Variants in ZEB2 observed in about 807,000 individuals in gnomAD.
ZEB2 encodes zinc finger E-box-binding homeobox 2.
In ZEB2, 6 loss-of-function variants were observed where a neutral mutation model predicts 99.9. The ratio of observed to expected loss-of-function variants is 0.06; its 90% CI spans 0.03 to 0.12. The LOEUF is 0.12. Ranked by LOEUF, ZEB2 falls within the 10% of genes least tolerant of loss-of-function variation. The pLI, the probability that ZEB2 is intolerant of heterozygous loss-of-function variation, is 1.00. For missense variants in ZEB2, 969 were observed against 1,502.8 expected, an observed-to-expected ratio of 0.64 and a Z score of 5.87; for synonymous variants, 517 against 542.5, an observed-to-expected ratio of 0.95 and a Z score of 0.65.
chr2:144,471,529 T>G (rs906110399), intron 2 of ZEB2, among the ~76,000 whole-genome samples: 2 of 152,008 alleles, frequency 1.3e-5, no homozygotes, highest in Non-Finnish European at 2.9e-5. Flanking sequence ...TCTTTCTTTT[T>G]TTTTTTTGGC....
intron 2 of ZEB2, chr2:144,455,195 TG>T (rs1704104852): frequency 6.6e-6 from 1 of 152,202 alleles, no homozygotes; most frequent in South Asian, 2.1e-4. Context: ...AATTACATTC[TG>T]CTCTGACTAA....
chr2:144,448,814 C>G (rs1263697882), intron 2 of ZEB2: 2 of 152,238 alleles, frequency 1.3e-5, no homozygotes, highest in Admixed American at 1.3e-4. Flanking sequence ...TGGAAATCTC[C>G]CCACTCGCAG....
chr2:144,451,294 A>G (rs1452016892), intron 2 of ZEB2, among the ~76,000 whole-genome samples: 1 of 152,196 alleles, frequency 6.6e-6, no homozygotes, highest in East Asian at 1.9e-4. Flanking sequence ...AGATTCTCTT[A>G]GGTAAATCTG....
chr2:144,485,347 A>G (rs946259234), intron 2 of ZEB2, among the ~76,000 whole-genome samples: 1 of 152,232 alleles, frequency 6.6e-6, no homozygotes, highest in African/African-American at 2.4e-5. Flanking sequence ...GCTAATTAGT[A>G]TTATCATTTA....
chr2:144,421,980 T>C (rs1311415749), intron 4 of ZEB2, among the ~76,000 whole-genome samples: 1 of 152,236 alleles, frequency 6.6e-6, no homozygotes, highest in African/African-American at 2.4e-5. Context: ...AATCTAGAAA[T>C]AGCAAGTACT....
chr2:144,514,528 G>C (rs1705097809), intron 2 of ZEB2: 1 of 152,164 alleles, frequency 6.6e-6, no homozygotes, highest in African/African-American at 2.4e-5. Context: ...ATCCAGGAAA[G>C]AAGAAAAATC....
chr2:144,429,676 A>C, intron 3 of ZEB2, 93 bp downstream of exon 3: 1 of 1,594,152 alleles, frequency 6.3e-7, no homozygotes, highest in Non-Finnish European at 8.6e-7. Context: ...AAATATTTTA[A>C]TTATTTGGTT....
chr2:144,507,497 T>C (rs1704966682), intron 2 of ZEB2: 1 of 152,256 alleles, frequency 6.6e-6, no homozygotes, highest in Non-Finnish European at 1.5e-5. Context: ...TGAATCATTA[T>C]GATGATTACA....
intron 2 of ZEB2, among the ~76,000 whole-genome samples, chr2:144,485,026 T>C (rs1254935057): frequency 6.6e-6 from 1 of 151,918 alleles, no homozygotes; most frequent in Non-Finnish European, 1.5e-5. Context: ...GAGTAAAGAG[T>C]CACTTAGCAT....
intron 2 of ZEB2, among the ~76,000 whole-genome samples, chr2:144,438,833 C>A (rs1703869945): frequency 6.6e-6 from 1 of 152,068 alleles, no homozygotes. Context: ...CTGCAGCCAC[C>A]CTACTCACAT....
At chr2:144,422,144 G>A (rs1338876951) in intron 4 of ZEB2, among the ~76,000 whole-genome samples, 1 of 152,204 alleles carries the variant, frequency 6.6e-6, no homozygotes, top group Non-Finnish European at 1.5e-5. Context: ...GATAACTACA[G>A]TGACTTCCAG....
At chr2:144,498,418 C>T (rs934475430) in intron 2 of ZEB2, among the ~76,000 whole-genome samples, 2 of 151,610 alleles carry the variant, frequency 1.3e-5, no homozygotes, top group South Asian at 2.1e-4. Flanking sequence ...CATGTGGTTG[C>T]GGATCTTATG....
rs1276023381 is a variant in ZEB2, at chr2:144,399,668, TAGG to T, written c.1516_1518del (p.Pro506del). ...ACCGGAAGACCGACAGGCGGAATAT[TAGG>T]AGAAGTAACTCCTTGTTCCTCAGGT... is the stretch of plus-strand genomic sequence containing the variant. On this transcript the variant is annotated inframe_deletion, in exon 8 of 10. Coordinates refer to ENST00000627532, the MANE Select transcript of ZEB2 (RefSeq NM_014795.4). The surrounding 1 kb of genome is among the most constrained non-coding windows in gnomAD (Gnocchi z 5.6). 1.2e-5 allele frequency: 20 copies of T among 1,614,100 alleles called. No individual in the cohort carries two copies. Among genetic ancestry groups the T allele is most frequent in the East Asian group, 4.5e-5 (2 of 44,896 alleles).
At chr2:144,422,385 A>G (rs1703629901) in intron 4 of ZEB2, among the ~76,000 whole-genome samples, 1 of 152,172 alleles carries the variant, frequency 6.6e-6, no homozygotes, top group African/African-American at 2.4e-5. Context: ...CTCCTCTTCA[A>G]TTAGAAAGCC....
At chr2:144,512,280 A>G (rs1359900373) in intron 2 of ZEB2, 1 of 1,287,264 alleles carries the variant, frequency 7.8e-7, no homozygotes, top group Admixed American at 2.3e-5. Context: ...ACACAGAAGA[A>G]AATGCACCTT....
chr2:144,384,195 T>C lies in ZEB2; in HGVS notation c.*5256A>G, dbSNP rs917513098. ...GACCAAATCGGAACAGTAGTGTTCA[T>C]TTTCTATTTTCAGTATTTTGGAGCA... On this transcript the variant is annotated 3_prime_UTR_variant, in exon 10 of 10. Transcript: ENST00000627532. 15 of 152,130 alleles carry C rather than the reference T, an allele frequency of 9.9e-5. No individual in the cohort carries two copies. The highest frequency in any genetic ancestry group is 7.2e-4 in the Admixed American group (11 of 15,264). The allele number at this position is 152,130 out of a possible 1,614,324, so 9.4% of individuals were successfully genotyped here. A position where few individuals can be genotyped will look rare whatever the true frequency, so the allele number is the denominator to read the frequency against.
intron 2 of ZEB2, among the ~76,000 whole-genome samples, chr2:144,468,227 T>C (rs182344041): frequency 2.6e-4 from 40 of 152,200 alleles, no homozygotes; most frequent in Admixed American, 2.6e-3. Context: ...CTCGATTCCA[T>C]TTATAGAGGT....
intron 1 of ZEB2, chr2:144,518,808 C>T (rs1225293091): frequency 6.6e-6 from 1 of 152,114 alleles, no homozygotes; most frequent in Non-Finnish European, 1.5e-5. Context: ...AACAGCTGGC[C>T]TGTCTATATT....
chr2:144,512,060 G>GC, intron 2 of ZEB2: 1 of 1,287,138 alleles, frequency 7.8e-7, no homozygotes, highest in Non-Finnish European at 1.0e-6. Flanking sequence ...TCAGACAATT[G>GC]CCCCCTTGTG....
Sources: gnomAD v4.1 joint callset for allele counts (sites outside exome capture counted in the v4.1 genomes callset) on GRCh38, gnomAD v4.1.1 for gene constraint, Gnocchi (gnomAD v3.1) non-coding constraint, MANE v1.5 for transcripts, NCBI Gene and HGNC (gene_info 2026-07-23, HGNC 2026-07-21) for gene names.